Variants in TTC13 observed in about 807,000 individuals in gnomAD.
The protein encoded by TTC13 is tetratricopeptide repeat domain 13.
In TTC13, 62 loss-of-function variants were observed where a neutral mutation model predicts 120.0. That is an observed-to-expected ratio of 0.52 (90% confidence interval 0.42 to 0.64). The LOEUF (loss-of-function observed/expected upper bound fraction) is 0.64, where lower values mean the gene tolerates loss of function less well. Among genes scored for constraint, TTC13 ranks in the 30% least tolerant of loss-of-function variants. The pLI is 0.00. For synonymous variants in TTC13, 384 were observed against 393.5 expected (o/e 0.98, Z 0.28); for missense variants, 824 against 1,050.2 (o/e 0.78, Z 2.98).
rs571101601 is a variant in TTC13 at position 230,971,201 on chromosome 1, C to A, written c.271+7359G>T. ...TCTATTAAAAATACAAAAAAATTAG[C>A]CGGGCGTGGTGGCGGGCGCCTGTAG... On this transcript the variant is annotated intron_variant, in intron 1 of 22. Coordinates refer to ENST00000366661, the MANE Select transcript of TTC13 (RefSeq NM_024525.5). 4.0e-5 allele frequency among the ~76,000 whole-genome samples: 6 copies of A among 151,388 alleles called. No homozygotes were observed. The South Asian group carries it at 1.3e-3, about 32-fold the overall frequency.
chr1:230,911,320 A>G (rs1430965275), intron 20 of TTC13, 150 bp downstream of exon 20: 9 of 541,710 alleles, frequency 1.7e-5, no homozygotes, highest in Non-Finnish European at 2.9e-5. Context: ...TAGACTAAGG[A>G]AATATTTTTT....
At chr1:230,955,628 G>T (rs554124903) in intron 3 of TTC13, among the ~76,000 whole-genome samples, 3 of 141,874 alleles carry the variant, frequency 2.1e-5, no homozygotes, top group Non-Finnish European at 4.5e-5. Context: ...CCGAGATGGC[G>T]CCACTGCACT....
At chr1:230,945,697 G>A (rs981722041) in intron 4 of TTC13, among the ~76,000 whole-genome samples, 2 of 152,116 alleles carry the variant, frequency 1.3e-5, no homozygotes, top group African/African-American at 2.4e-5. Flanking sequence ...CCAACATTAC[G>A]CAGAAACATG....
At chr1:230,951,777 T>C (rs1033520983) in intron 4 of TTC13, among the ~76,000 whole-genome samples, 4 of 81,478 alleles carry the variant, frequency 4.9e-5, no homozygotes, top group African/African-American at 1.8e-4. Context: ...AGTAATTAGA[T>C]TTAGAGAATA....
Position 230,908,761 on chromosome 1 carries a change from C to G in TTC13, c.2419G>C (p.Gly807Arg), listed in dbSNP as rs1035377495. The G allele has an allele frequency of 1.2e-6, 2 of 1,613,542 alleles. No individual in the cohort carries two copies. The highest frequency in any genetic ancestry group is 1.3e-5 in the African/African-American group (1 of 74,902). Residue 807 changes from glycine (G) to arginine (R), a missense_variant, in exon 22 of 23, where the codon GGT becomes CGT. Physicochemically the swap from Gly to Arg is moderately radical, Grantham distance 125. Coordinates refer to ENST00000366661, the MANE Select transcript of TTC13 (RefSeq NM_024525.5). ...GCGACTTTGCTAAAGGCCTCTGAAC[C>G]AGGGGCTGTCATAGCTTCAAAGTCG... Reference protein sequence around the residue: ...LVDFEAMTAPGSEAFSKVAKS... With the variant: ...LVDFEAMTAPRSEAFSKVAKS...
At chr1:230,920,193 A>G (rs751988602) in intron 17 of TTC13, 6 of 208,674 alleles carry the variant, frequency 2.9e-5, no homozygotes, top group Non-Finnish European at 5.8e-5. Context: ...CCTGAAAATA[A>G]CTAACTTTTG....
At chr1:230,963,336 G>C (rs1261753807) in intron 1 of TTC13, among the ~76,000 whole-genome samples, 2 of 152,134 alleles carry the variant, frequency 1.3e-5, no homozygotes, top group Non-Finnish European at 2.9e-5. Context: ...GGCATAAGCA[G>C]GGTTTAAAAG....
chr1:230,915,558 CAT>C (rs1348756596), intron 18 of TTC13, among the ~76,000 whole-genome samples: 11 of 152,154 alleles, frequency 7.2e-5, no homozygotes, highest in Non-Finnish European at 8.8e-5. Flanking sequence ...AGAAATTCTA[CAT>C]CTATACAATG....
In TTC13 at chr1:230,911,671, A is replaced by G. The variant is rs1007561217; in HGVS notation, c.2230-122T>C. 2.8e-5 allele frequency: 16 copies of G among 572,756 alleles called. No homozygotes were observed. In the Admixed American group the frequency reaches 4.8e-4, roughly 17 times the overall value. 35.5% of individuals were successfully genotyped at this position (572,756 alleles called of 1,614,324 possible). A position where few individuals can be genotyped will look rare whatever the true frequency, so the allele number is the denominator to read the frequency against. On this transcript the variant is annotated intron_variant, in intron 19 of 22. Transcript: ENST00000366661. The stretch of plus-strand genomic sequence containing the variant: ...GAGGATTGTTTTCTTCCTCCCCCAT[A>G]AGAATCTACTTTTCAAATTCTTGAA...
chr1:230,927,925 T>A (rs1479932482), intron 12 of TTC13, among the ~76,000 whole-genome samples: 6 of 152,230 alleles, frequency 3.9e-5, no homozygotes, highest in Non-Finnish European at 8.8e-5. Flanking sequence ...CACTCCCACA[T>A]CTTAACCAGT....
chr1:230,942,054 A>G lies in TTC13; in HGVS notation c.673-1498T>C, dbSNP rs556593230. 2.6e-5 allele frequency among the ~76,000 whole-genome samples: 4 copies of G among 152,294 alleles called. No individual in the cohort carries two copies. Among genetic ancestry groups the G allele is most frequent in the Non-Finnish European group, 5.9e-5 (4 of 68,022 alleles). Reference sequence around the variant, plus strand: ...TTATTGCCCAAACAATGCCAGAAAAACAGAATATTATTATACATTTTTAAG... The same window carrying G: ...TTATTGCCCAAACAATGCCAGAAAAGCAGAATATTATTATACATTTTTAAG... On this transcript the variant is annotated intron_variant, in intron 6 of 22. Coordinates refer to ENST00000366661, the MANE Select transcript of TTC13 (RefSeq NM_024525.5). The surrounding 1 kb of genome is among the most constrained non-coding windows in gnomAD (Gnocchi z 4.0).
intron 10 of TTC13, 70 bp downstream of exon 10, chr1:230,931,666 A>T: frequency 6.4e-7 from 1 of 1,572,078 alleles, no homozygotes; most frequent in Non-Finnish European, 8.7e-7. Context: ...TTCTCTATTC[A>T]TTTCACTAAA....
At chr1:230,949,837 G>A (rs1469704302) in intron 4 of TTC13, among the ~76,000 whole-genome samples, 1 of 152,022 alleles carries the variant, frequency 6.6e-6, no homozygotes, top group Non-Finnish European at 1.5e-5. Flanking sequence ...TTTTAGTAGA[G>A]ACGGGGTTTC....
intron 15 of TTC13, among the ~76,000 whole-genome samples, chr1:230,922,089 T>C (rs1267117264): frequency 6.6e-6 from 1 of 152,084 alleles, no homozygotes; most frequent in Non-Finnish European, 1.5e-5. Context: ...CCTCAAAGGT[T>C]ACTGTCAAGT....
intron 17 of TTC13, among the ~76,000 whole-genome samples, chr1:230,917,324 G>C (rs2102767449): frequency 6.6e-6 from 1 of 152,312 alleles, no homozygotes; most frequent in Admixed American, 6.5e-5. Context: ...GGCAAAGTCT[G>C]GCTGAGTCCC....
At chr1:230,922,498 G>GA (rs1162036809) in intron 15 of TTC13, among the ~76,000 whole-genome samples, 7 of 152,098 alleles carry the variant, frequency 4.6e-5, no homozygotes, top group African/African-American at 1.7e-4. Context: ...GTCTTCAGGG[G>GA]AAAAAATTCC....
chr1:230,929,031 C>A lies in TTC13; in HGVS notation c.1363G>T (p.Asp455Tyr), dbSNP rs1315873913. ...TPLTEYNIDV[D>Y]LPGSFKDHWA... ...TGGTCCTTAAAGCTTCCAGGCAGAT[C>A]CACATCAATGTTATATTCCGTAAGG... Residue 455 changes from aspartate to tyrosine, a missense_variant, in exon 12 of 23, where the codon GAT becomes TAT. Around this residue, in one of 4 missense-constraint regions of TTC13, gnomAD observed 430 missense variants for 626.8 expected, o/e 0.69. Coordinates refer to ENST00000366661, the MANE Select transcript of TTC13 (RefSeq NM_024525.5). 2 of 1,614,142 alleles carry A rather than the reference C, an allele frequency of 1.2e-6. No homozygotes were observed. Among genetic ancestry groups the A allele is most frequent in the African/African-American group, 1.3e-5 (1 of 75,034 alleles).
chr1:230,971,688 T>A (rs1271360443), intron 1 of TTC13, among the ~76,000 whole-genome samples: 1 of 152,300 alleles, frequency 6.6e-6, no homozygotes, highest in East Asian at 1.9e-4. Flanking sequence ...ATCAAAGGTA[T>A]CTTAACCCAC....
chr1:230,921,576 A>G (rs1360776344), intron 15 of TTC13, 72 bp from the exon 16 acceptor site: 5 of 770,298 alleles, frequency 6.5e-6, no homozygotes, highest in Non-Finnish European at 1.0e-5. Flanking sequence ...TCTAATTTCA[A>G]AGTTAATTTA....
Sources: gnomAD v4.1 joint callset for allele counts (sites outside exome capture counted in the v4.1 genomes callset) on GRCh38, gnomAD v4.1.1 for gene constraint, gnomAD v4.1.1 regional missense constraint, Gnocchi (gnomAD v3.1) non-coding constraint, MANE v1.5 for transcripts, NCBI Gene and HGNC (gene_info 2026-07-23, HGNC 2026-07-21) for gene names.